The following CD2AP variants were observed in gnomAD, a reference collection of about 807,000 sequenced individuals.
CD2AP encodes CD2-associated protein.
A neutral mutation model predicts 85.1 loss-of-function variants in CD2AP; 46 were observed. That is an observed-to-expected ratio of 0.54 (90% CI 0.43 to 0.69). The LOEUF (loss-of-function observed/expected upper bound fraction) is 0.69, where lower values mean the gene tolerates loss of function less well. Among genes scored for constraint, CD2AP ranks in the 30% least tolerant of loss-of-function variants. The pLI is 0.00. For missense variants in CD2AP, 769 were observed against 729.5 expected (o/e 1.05, Z -0.62); for synonymous variants, 255 against 252.9 (o/e 1.01, Z -0.08).
chr6:47,538,199 G>C (rs1205547103), intron 3 of CD2AP, among the ~76,000 whole-genome samples: 1 of 151,890 alleles, frequency 6.6e-6, no homozygotes, highest in Non-Finnish European at 1.5e-5. Flanking sequence ...CATAACATTT[G>C]ATTATTTGCT....
intron 8 of CD2AP, among the ~76,000 whole-genome samples, chr6:47,577,924 AT>A (rs1376948530): frequency 6.6e-6 from 1 of 151,984 alleles, no homozygotes; most frequent in Non-Finnish European, 1.5e-5. Flanking sequence ...AGTGTATATA[AT>A]TTTTTTTAAA....
At chr6:47,599,014 G>A (rs2114135887) in intron 12 of CD2AP, among the ~76,000 whole-genome samples, 1 of 149,954 alleles carries the variant, frequency 6.7e-6, no homozygotes, top group East Asian at 1.9e-4. Flanking sequence ...TCCTTCTATT[G>A]TTGCAATTTA....
intron 11 of CD2AP, among the ~76,000 whole-genome samples, chr6:47,591,888 T>C (rs893841243): frequency 4.6e-5 from 7 of 152,070 alleles, no homozygotes; most frequent in African/African-American, 1.7e-4. Flanking sequence ...AGTGCAGTGA[T>C]GTCATAGCCC....
chr6:47,554,039 A>G (rs1485568301), intron 4 of CD2AP, among the ~76,000 whole-genome samples: 1 of 151,906 alleles, frequency 6.6e-6, no homozygotes, highest in Non-Finnish European at 1.5e-5. Flanking sequence ...CAGCCTCCCC[A>G]GTAGCTGGGA....
rs1246789613 is a variant in CD2AP at position 47,579,315 on chromosome 6, A to G, written c.904-70A>G. 3.2e-6 allele frequency: 3 copies of G among 941,426 alleles called. No homozygotes were observed. The Admixed American group carries it at 5.8e-5, about 18-fold the overall frequency. The allele number at this position is 941,426 out of a possible 1,614,324, so 58.3% of individuals were successfully genotyped here. On this transcript the variant is annotated intron_variant, in intron 8 of 17. Transcript: ENST00000359314. ...GCATCACTGCACTTCAGCCTGGCCA[A>G]CAGAGCAACACTTTATCTTAAAAAA...
intron 2 of CD2AP, among the ~76,000 whole-genome samples, chr6:47,522,467 G>A (rs1033077262): frequency 4.6e-5 from 7 of 152,134 alleles, no homozygotes; most frequent in Non-Finnish European, 1.0e-4. Context: ...AAAATAAGTG[G>A]ATATGTTAAC....
chr6:47,572,601 G>A (rs1452671847), intron 5 of CD2AP, among the ~76,000 whole-genome samples: 1 of 152,110 alleles, frequency 6.6e-6, no homozygotes, highest in African/African-American at 2.4e-5. Flanking sequence ...AGATTCTCAC[G>A]TTTGATTGGA....
At chr6:47,533,815 G>A (rs1766956313) in intron 3 of CD2AP, 60 bp downstream of exon 3, 1 of 1,557,116 alleles carries the variant, frequency 6.4e-7, no homozygotes, top group East Asian at 2.3e-5. Context: ...TTTTATAACT[G>A]TGTCTAAATT....
intron 17 of CD2AP, among the ~76,000 whole-genome samples, chr6:47,612,786 G>T (rs1263538179): frequency 2.6e-5 from 4 of 152,058 alleles, no homozygotes; most frequent in African/African-American, 9.7e-5. Context: ...ACTTATTTGT[G>T]GGAGCTAAAA....
intron 2 of CD2AP, among the ~76,000 whole-genome samples, chr6:47,531,729 TA>T (rs929797915): frequency 1.3e-5 from 2 of 152,074 alleles, no homozygotes; most frequent in African/African-American, 4.8e-5. Context: ...TGCACTGTAT[TA>T]AAAAACTAGC....
chr6:47,574,415 A>C (rs1056073471), intron 6 of CD2AP, among the ~76,000 whole-genome samples, 164 bp downstream of exon 6: 1 of 152,090 alleles, frequency 6.6e-6, no homozygotes, highest in Non-Finnish European at 1.5e-5. Context: ...CCAAATTTAC[A>C]ATGATTAATA....
At chr6:47,552,300 C>T (rs968788491) in intron 4 of CD2AP, among the ~76,000 whole-genome samples, 1 of 151,884 alleles carries the variant, frequency 6.6e-6, no homozygotes, top group Non-Finnish European at 1.5e-5. Context: ...TTGCCACCCC[C>T]ATTCTTTCCC....
In CD2AP at chr6:47,582,015, A is replaced by T. The variant is rs780094912; in HGVS notation, c.1058A>T (p.Glu353Val). 1 of 1,606,594 alleles carries T rather than the reference A, an allele frequency of 6.2e-7. No homozygotes were observed. The highest frequency in any genetic ancestry group is 8.5e-7 in the Non-Finnish European group (1 of 1,173,306). ...PPAKAPAPKP[E>V]LIAAEKKYFS... is the part of the protein sequence containing the mutation. ...TTTTTTCCCATAGCTCCAAAGCCTG[A>T]ACTGATAGCTGCAGAGAAGAAATAT... Residue 353 changes from glutamate (E) to valine (V), a missense_variant, in exon 11 of 18, where the codon GAA becomes GTA. Transcript: ENST00000359314.
chr6:47,624,224 T>C lies in CD2AP; in HGVS notation c.1917T>C (p.Ser639=), dbSNP rs769274818. 1 of 1,611,606 alleles carries C rather than the reference T, an allele frequency of 6.2e-7. No homozygotes were observed. Among genetic ancestry groups the C allele is most frequent in the South Asian group, 1.1e-5 (1 of 91,014 alleles). Residue 639 remains serine (S), a synonymous_variant, in exon 18 of 18, where the codon TCT becomes TCC. Coordinates refer to ENST00000359314, the MANE Select transcript of CD2AP (RefSeq NM_012120.3). The part of the protein sequence containing the change: ...IEKLKKAVLS[S] ...AGCTGAAAAAAGCTGTCCTGTCTTC[T>C]TGAGTGGTGTGGACCTGGTGTTCAT...
intron 4 of CD2AP, among the ~76,000 whole-genome samples, chr6:47,546,250 G>T (rs1369693966): frequency 2.6e-5 from 4 of 151,944 alleles, no homozygotes; most frequent in African/African-American, 9.7e-5. Flanking sequence ...ACAAGCAGAA[G>T]AAATAACTTC....
intron 11 of CD2AP, among the ~76,000 whole-genome samples, chr6:47,583,018 C>T (rs1189805685): frequency 1.3e-5 from 2 of 152,052 alleles, no homozygotes; most frequent in Non-Finnish European, 2.9e-5. Flanking sequence ...TTGCTGACCT[C>T]GTGATCCACC....
chr6:47,625,827 G>A lies in CD2AP; in HGVS notation c.*1600G>A, dbSNP rs1278290501. The A allele has an allele frequency of 6.6e-6, 1 of 151,694 alleles. No homozygotes were observed. Among genetic ancestry groups the A allele is most frequent in the Non-Finnish European group, 1.5e-5 (1 of 67,714 alleles). The allele number at this position is 151,694 out of a possible 1,614,324, so 9.4% of individuals were successfully genotyped here. On this transcript the variant is annotated 3_prime_UTR_variant, in exon 18 of 18. Coordinates refer to ENST00000359314, the MANE Select transcript of CD2AP (RefSeq NM_012120.3). ...TTTACAACTTACATTAGGGGTTTGG[G>A]GGAATGCTAATTATATATTGAGAAT...
chr6:47,554,213 G>A (rs1398356657), intron 4 of CD2AP, among the ~76,000 whole-genome samples: 1 of 151,968 alleles, frequency 6.6e-6, no homozygotes, highest in Non-Finnish European at 1.5e-5. Context: ...GCCTGGCCAG[G>A]AAGTTATATT....
At chr6:47,607,728 G>T in intron 14 of CD2AP, 199 bp from the exon 15 acceptor site, 1 of 497,738 alleles carries the variant, frequency 2.0e-6, no homozygotes, top group Non-Finnish European at 3.6e-6. Flanking sequence ...ACTGCTAAGA[G>T]GCAAGCTGTT....
Sources: gnomAD v4.1 joint callset for allele counts (sites outside exome capture counted in the v4.1 genomes callset) on GRCh38, gnomAD v4.1.1 for gene constraint, MANE v1.5 for transcripts, NCBI Gene and HGNC (gene_info 2026-07-23, HGNC 2026-07-21) for gene names.